AMN1: variants seen among roughly 807,000 people sequenced by gnomAD.
AMN1 encodes antagonist of mitotic exit network 1 homolog.
AMN1 carries 20 observed loss-of-function variants against 33.0 expected under a neutral mutation model. That is an observed-to-expected ratio of 0.61 (90% confidence interval 0.43 to 0.88). The LOEUF is 0.88. Among genes scored for constraint, AMN1 ranks in the 40% least tolerant of loss-of-function variants. The pLI, the probability that AMN1 is intolerant of heterozygous loss-of-function variation, is 0.00. For missense variants in AMN1, 246 were observed against 307.4 expected (o/e 0.80, Z 1.49); for synonymous variants, 114 against 111.9 (o/e 1.02, Z -0.12).
chr12:31,712,044 C>T (rs1400958709), intron 1 of AMN1, among the ~76,000 whole-genome samples: 1 of 150,920 alleles, frequency 6.6e-6, no homozygotes, highest in African/African-American at 2.4e-5. Flanking sequence ...ATTCATTCCC[C>T]CCTCCCTCCC....
At chr12:31,707,013 C>CAA (rs58030917) in intron 2 of AMN1, among the ~76,000 whole-genome samples, 96,137 of 151,808 alleles carry the variant, frequency 0.63, 30,938 homozygotes, top group East Asian at 0.87. Context: ...TAAGATAAAA[C>CAA]GAAACCATAA....
At chr12:31,686,942 T>C (rs1006680741) in intron 6 of AMN1, among the ~76,000 whole-genome samples, 1 of 152,226 alleles carries the variant, frequency 6.6e-6, no homozygotes, top group Non-Finnish European at 1.5e-5. Flanking sequence ...AATGACATTT[T>C]TTTTCCTACT....
rs912854629 is a variant in AMN1 at position 31,728,582 on chromosome 12, A to G, written c.38+389T>C. On this transcript the variant is annotated intron_variant, in intron 1 of 6. Coordinates refer to ENST00000281471, the MANE Select transcript of AMN1 (RefSeq NM_001113402.2). Reference sequence around the variant, plus strand: ...TTTATCCCAGGGTCTGTCAATGTTTATTCCAGTTACAGGGGTGGAATTCTG... The same window carrying G: ...TTTATCCCAGGGTCTGTCAATGTTTGTTCCAGTTACAGGGGTGGAATTCTG... Among the ~76,000 whole-genome samples, 10 of 152,302 alleles carry G rather than the reference A, an allele frequency of 6.6e-5. No homozygotes were observed. The East Asian group carries it at 1.9e-3, about 29-fold the overall frequency.
chr12:31,717,980 G>A (rs1464371940), intron 1 of AMN1, among the ~76,000 whole-genome samples: 2 of 152,096 alleles, frequency 1.3e-5, no homozygotes, highest in Admixed American at 1.3e-4. Flanking sequence ...CTAGGTTGGG[G>A]AAGTTCTCCT....
intron 6 of AMN1, chr12:31,673,760 G>T (rs1172696071): frequency 3.1e-6 from 1 of 321,264 alleles, no homozygotes; most frequent in Non-Finnish European, 6.2e-6. Context: ...GCCACTAGAA[G>T]AAAGGATTAC....
At chr12:31,676,178 A>G (rs1937686504) in intron 6 of AMN1, among the ~76,000 whole-genome samples, 1 of 151,796 alleles carries the variant, frequency 6.6e-6, no homozygotes, top group Non-Finnish European at 1.5e-5. Flanking sequence ...GACTTTATTG[A>G]AAGAAATTAA....
chr12:31,723,860 G>A (rs982580430), intron 1 of AMN1, among the ~76,000 whole-genome samples: 3 of 152,154 alleles, frequency 2.0e-5, no homozygotes, highest in African/African-American at 7.2e-5. Flanking sequence ...ACTTGGTTGA[G>A]GATACTGCTC....
At chr12:31,682,963 C>CTTTT (rs34868408) in intron 6 of AMN1, among the ~76,000 whole-genome samples, 5 of 137,846 alleles carry the variant, frequency 3.6e-5, no homozygotes, top group African/African-American at 8.1e-5. Flanking sequence ...GTATGCTATT[C>CTTTT]TTTTTTTTTT....
chr12:31,698,075 G>T, intron 3 of AMN1, 118 bp from the exon 4 acceptor site: 1 of 879,890 alleles, frequency 1.1e-6, no homozygotes, highest in South Asian at 1.6e-5. Context: ...TTTCAAAGTA[G>T]TCCACCTGTG....
chr12:31,681,874 T>G (rs965624851), intron 6 of AMN1, among the ~76,000 whole-genome samples: 4 of 151,900 alleles, frequency 2.6e-5, no homozygotes, highest in Non-Finnish European at 2.9e-5. Flanking sequence ...GCAGGGTTTC[T>G]CTATGTTGCC....
intron 2 of AMN1, among the ~76,000 whole-genome samples, chr12:31,702,392 T>G (rs1230404569): frequency 6.6e-6 from 1 of 152,248 alleles, no homozygotes; most frequent in Non-Finnish European, 1.5e-5. Flanking sequence ...TAATCACTTG[T>G]GTACCAAGTG....
intron 6 of AMN1, among the ~76,000 whole-genome samples, chr12:31,678,795 G>C (rs1455611866): frequency 6.6e-6 from 1 of 152,118 alleles, no homozygotes; most frequent in African/African-American, 2.4e-5. Context: ...AAGTATGGCT[G>C]AACACATTTT....
Position 31,688,625 on chromosome 12 carries a change from C to T in AMN1, c.703+382G>A, listed in dbSNP as rs1004900752. On this transcript the variant is annotated intron_variant, in intron 6 of 6. Transcript: ENST00000281471. ...GAGTTAGAGACCAGCCTGGGCAACA[C>T]GGGGAAATCCCGTCTCTGCTAAAAA... is the stretch of plus-strand genomic sequence containing the variant. Among the ~76,000 whole-genome samples, 14 of 152,104 alleles carry T rather than the reference C, an allele frequency of 9.2e-5. 1 individual carries two copies. Among genetic ancestry groups the T allele is most frequent in the African/African-American group, 1.9e-4 (8 of 41,510 alleles).
chr12:31,709,492 G>A, intron 1 of AMN1, 67 bp from the exon 2 acceptor site: 2 of 1,531,306 alleles, frequency 1.3e-6, no homozygotes, highest in Non-Finnish European at 1.8e-6. Flanking sequence ...TTGTCTTAAT[G>A]CTATTTGTTA....
At chr12:31,709,168 C>A in intron 2 of AMN1, 125 bp downstream of exon 2, 1 of 1,081,968 alleles carries the variant, frequency 9.2e-7, no homozygotes, top group Non-Finnish European at 1.3e-6. Context: ...GAGCATGACC[C>A]TGTATAAAAA....
At chr12:31,695,093 G>T (rs1412602716) in intron 5 of AMN1, among the ~76,000 whole-genome samples, 3 of 152,188 alleles carry the variant, frequency 2.0e-5, no homozygotes, top group African/African-American at 7.2e-5. Flanking sequence ...AATAAAAAAT[G>T]TAATGATATG....
At chr12:31,694,601 C>G (rs898076667) in intron 5 of AMN1, among the ~76,000 whole-genome samples, 1 of 151,834 alleles carries the variant, frequency 6.6e-6, no homozygotes, top group Non-Finnish European at 1.5e-5. Context: ...AAAAAAGTAG[C>G]CAGGAGTGGG....
At chr12:31,722,072 C>A (rs146784289) in intron 1 of AMN1, among the ~76,000 whole-genome samples, 1 of 149,780 alleles carries the variant, frequency 6.7e-6, no homozygotes, top group Non-Finnish European at 1.5e-5. Context: ...TGAAATAGAC[C>A]GTATTTTATG....
Position 31,697,772 on chromosome 12 carries a change from A to C in AMN1, c.502T>G (p.Phe168Val), listed in dbSNP as rs1284009505. The C allele has an allele frequency of 1.2e-6, 2 of 1,613,976 alleles. No individual in the cohort carries two copies. Among genetic ancestry groups the C allele is most frequent in the Non-Finnish European group, 1.7e-6 (2 of 1,179,880 alleles). ...SLHALGKNCP[F>V]LQCVDFSATQ... ...GCTGAAAAGTCGACACACTGCAAAAATGGGCAGTTTTTTCCTAATGCATGT... is the reference window on the plus strand; with the variant it reads ...GCTGAAAAGTCGACACACTGCAAAACTGGGCAGTTTTTTCCTAATGCATGT... The change falls in exon 4 of 7, where the codon TTT becomes GTT. Residue 168 changes from phenylalanine (F) to valine (V), a missense_variant. Transcript: ENST00000281471.
Sources: allele counts gnomAD v4.1 joint callset (sites outside exome capture counted in the v4.1 genomes callset), GRCh38; gene constraint gnomAD v4.1.1; transcripts MANE v1.5; gene names NCBI Gene and HGNC (gene_info 2026-07-23, HGNC 2026-07-21).